VRK2: variants seen among roughly 807,000 people sequenced by gnomAD.
The protein encoded by VRK2 is VRK serine/threonine kinase 2, also known as serine/threonine-protein kinase VRK2.
In VRK2, 60 loss-of-function variants were observed where a neutral mutation model predicts 57.6. That is an observed-to-expected ratio of 1.04 (90% CI 0.85 to 1.29). The LOEUF is 1.29. Among genes scored for constraint, VRK2 ranks in the 50% most tolerant of loss-of-function variants. The pLI, the probability that VRK2 is intolerant of heterozygous loss-of-function variation, is 0.00. For missense variants in VRK2, 705 were observed against 588.1 expected (o/e 1.20, Z -2.06); for synonymous variants, 231 against 199.2 (o/e 1.16, Z -1.35).
At chr2:58,061,886 G>A (rs1019939897) in intron 2 of VRK2, among the ~76,000 whole-genome samples, 1 of 151,954 alleles carries the variant, frequency 6.6e-6, no homozygotes, top group African/African-American at 2.4e-5. Flanking sequence ...GGTGAAAGGG[G>A]TAAGGGTTCT....
intron 1 of VRK2, among the ~76,000 whole-genome samples, chr2:57,920,027 C>T (rs937253050): frequency 1.3e-5 from 2 of 152,080 alleles, no homozygotes; most frequent in African/African-American, 4.8e-5. Context: ...ATGATAAACT[C>T]AGTTGCCGCT....
intron 3 of VRK2, among the ~76,000 whole-genome samples, chr2:58,035,444 T>TAAAA (rs1040130885): frequency 1.7e-4 from 26 of 152,092 alleles, no homozygotes; most frequent in Admixed American, 8.5e-4. Flanking sequence ...TTATGTACAT[T>TAAAA]AAAAACTCAA....
intron 1 of VRK2, among the ~76,000 whole-genome samples, chr2:57,982,833 T>G (rs189223995): frequency 2.6e-5 from 4 of 152,218 alleles, no homozygotes; most frequent in African/African-American, 9.6e-5. Context: ...CCAATGGCCA[T>G]GCTCCAGTGC....
chr2:57,971,413 C>T (rs905245934), intron 1 of VRK2, among the ~76,000 whole-genome samples: 1 of 151,898 alleles, frequency 6.6e-6, no homozygotes, highest in Non-Finnish European at 1.5e-5. Flanking sequence ...AGTTTAAGTA[C>T]AGTAAGTATT....
intron 7 of VRK2, among the ~76,000 whole-genome samples, chr2:58,122,359 A>G (rs1677645371): frequency 6.6e-6 from 1 of 152,248 alleles, no homozygotes; most frequent in African/African-American, 2.4e-5. Flanking sequence ...CTAATAGTCT[A>G]CTGTTTACCA....
intron 1 of VRK2, among the ~76,000 whole-genome samples, chr2:57,999,399 A>ATG (rs1369462685): frequency 3.9e-5 from 6 of 152,200 alleles, no homozygotes; most frequent in African/African-American, 1.4e-4. Flanking sequence ...TTCTACATGT[A>ATG]TGCACGTAAT....
intron 1 of VRK2, among the ~76,000 whole-genome samples, chr2:57,968,975 A>G (rs2030237): frequency 0.33 from 49,610 of 151,974 alleles, 9,571 homozygotes; most frequent in East Asian, 0.49. Flanking sequence ...AAAGATGTCA[A>G]TATAATTGTG....
intron 1 of VRK2, among the ~76,000 whole-genome samples, chr2:58,008,123 A>G (rs1421336661): frequency 6.6e-6 from 1 of 152,176 alleles, no homozygotes; most frequent in Non-Finnish European, 1.5e-5. Flanking sequence ...AATCATACAG[A>G]GCATGTTTTC....
chr2:58,004,149 TTG>T (rs1673172993), intron 1 of VRK2, among the ~76,000 whole-genome samples: 2 of 150,544 alleles, frequency 1.3e-5, no homozygotes, highest in Admixed American at 1.3e-4. Flanking sequence ...TTTTTTCTCT[TTG>T]TCTCTTTTTC....
chr2:58,098,077 A>G (rs970246993), intron 7 of VRK2, among the ~76,000 whole-genome samples: 5 of 149,676 alleles, frequency 3.3e-5, no homozygotes, highest in Admixed American at 6.6e-5. Context: ...GGTCTAGGCT[A>G]ATGGGTGTGT....
Position 58,152,290 on chromosome 2 carries a change from C to T in VRK2, c.1182+5816C>T, listed in dbSNP as rs546847890. 1.1e-4 allele frequency among the ~76,000 whole-genome samples: 16 copies of T among 151,970 alleles called. No homozygotes were observed. The South Asian group carries it at 1.2e-3, about 12-fold the overall frequency. On this transcript the variant is annotated intron_variant, in intron 12 of 12. Coordinates refer to ENST00000340157, the MANE Select transcript of VRK2 (RefSeq NM_006296.7). ...TCAAGTCATATTAGACAGCGTGGCT[C>T]TAGAAATTACCATGTGCACATTTAA...
intron 1 of VRK2, among the ~76,000 whole-genome samples, chr2:57,932,946 G>A (rs1670777924): frequency 6.6e-6 from 1 of 152,060 alleles, no homozygotes; most frequent in Admixed American, 6.5e-5. Flanking sequence ...GTTTTCGGGA[G>A]CATGTTGTTT....
intron 7 of VRK2, among the ~76,000 whole-genome samples, chr2:58,119,659 G>T (rs1375511318): frequency 1.3e-5 from 2 of 151,490 alleles, no homozygotes; most frequent in Non-Finnish European, 2.9e-5. Flanking sequence ...GATCTCTTTG[G>T]TAGTGCCCCA....
At chr2:57,926,265 C>T (rs1670528879) in intron 1 of VRK2, among the ~76,000 whole-genome samples, 1 of 151,710 alleles carries the variant, frequency 6.6e-6, no homozygotes, top group Non-Finnish European at 1.5e-5. Flanking sequence ...CAGATTAAGT[C>T]TAATGCTTTT....
At chr2:57,944,719 G>A (rs1572891164) in intron 1 of VRK2, among the ~76,000 whole-genome samples, 1 of 150,582 alleles carries the variant, frequency 6.6e-6, no homozygotes, top group Non-Finnish European at 1.5e-5. Flanking sequence ...CTAGGCAACA[G>A]AGCGAGACTC....
At chr2:58,060,124 A>C (rs1291156999) in intron 2 of VRK2, among the ~76,000 whole-genome samples, 2 of 151,832 alleles carry the variant, frequency 1.3e-5, no homozygotes, top group Non-Finnish European at 2.9e-5. Flanking sequence ...TAAAACCAAC[A>C]ACAACAACAA....
chr2:58,013,927 T>C (rs1190048686), intron 1 of VRK2, among the ~76,000 whole-genome samples: 4 of 146,260 alleles, frequency 2.7e-5, no homozygotes, highest in Non-Finnish European at 4.5e-5. Context: ...ATATTCATAA[T>C]AATTTCATAT....
chr2:58,095,387 G>A (rs1672991605), intron 7 of VRK2, among the ~76,000 whole-genome samples: 1 of 151,956 alleles, frequency 6.6e-6, no homozygotes, highest in Non-Finnish European at 1.5e-5. Flanking sequence ...TCTGTATGAT[G>A]TATAGATGTT....
At chr2:58,049,945 CTA>C (rs1168961019) in intron 2 of VRK2, among the ~76,000 whole-genome samples, 1 of 152,080 alleles carries the variant, frequency 6.6e-6, no homozygotes, top group African/African-American at 2.4e-5. Context: ...ACTTAAGTGT[CTA>C]TTCTAGTTGG....
Sources: allele counts gnomAD v4.1 joint callset (sites outside exome capture counted in the v4.1 genomes callset), GRCh38; gene constraint gnomAD v4.1.1; transcripts MANE v1.5; gene names NCBI Gene and HGNC (gene_info 2026-07-23, HGNC 2026-07-21).